The following ESYT2 variants were observed in gnomAD, a reference collection of about 807,000 sequenced individuals.
ESYT2 encodes the protein extended synaptotagmin-2.
Under a neutral mutation model 107.2 loss-of-function variants are expected in ESYT2, and 54 were observed. That is an observed-to-expected ratio of 0.50 (90% CI 0.40 to 0.63). The LOEUF (loss-of-function observed/expected upper bound fraction) is 0.63, where lower values mean the gene tolerates loss of function less well. Ranked by LOEUF, ESYT2 falls within the 30% of genes least tolerant of loss-of-function variation. The pLI is 0.00. For missense variants in ESYT2, 1,020 were observed against 1,094.5 expected (o/e 0.93, Z 0.96); for synonymous variants, 491 against 434.1 (o/e 1.13, Z -1.63).
At chr7:158,805,361 G>A (rs1440112937) in intron 1 of ESYT2, among the ~76,000 whole-genome samples, 1 of 152,176 alleles carries the variant, frequency 6.6e-6, no homozygotes, top group Non-Finnish European at 1.5e-5. Context: ...AAGATATTAG[G>A]ATGCTTTATC....
chr7:158,788,662 TG>T (rs1237452996), intron 4 of ESYT2, among the ~76,000 whole-genome samples: 1 of 152,206 alleles, frequency 6.6e-6, no homozygotes, highest in Non-Finnish European at 1.5e-5. Context: ...AATCAATGGC[TG>T]TGGTTGTTGT....
At chr7:158,781,986 T>TGA (rs75885302) in intron 6 of ESYT2, among the ~76,000 whole-genome samples, 137,116 of 146,626 alleles carry the variant, frequency 0.94, 64,119 homozygotes, top group East Asian at 0.95. Context: ...GTGTGAGATG[T>TGA]GTGTAATTAC....
chr7:158,769,407 G>A (rs1387460112), intron 7 of ESYT2, among the ~76,000 whole-genome samples: 3 of 152,146 alleles, frequency 2.0e-5, no homozygotes, highest in Non-Finnish European at 4.4e-5. Flanking sequence ...CAGCTCTGAC[G>A]GAGCTCCCTG....
intron 1 of ESYT2, among the ~76,000 whole-genome samples, chr7:158,816,311 C>A (rs1321886277): frequency 6.6e-6 from 1 of 152,200 alleles, no homozygotes; most frequent in Non-Finnish European, 1.5e-5. Context: ...GATCACACAA[C>A]CACACTCCAG....
chr7:158,743,516 G>A lies in ESYT2; in HGVS notation c.1794+13C>T. 6.2e-7 allele frequency: 1 copy of A among 1,606,246 alleles called. No individual in the cohort carries two copies. Among genetic ancestry groups the A allele is most frequent in the East Asian group, 2.3e-5 (1 of 43,782 alleles). On this transcript the variant is annotated intron_variant, in intron 17 of 22. Transcript: ENST00000275418. ...CCATCCCCTATGGTGTTCACTGCAG[G>A]ACGACACGATACCCGCAGGGCAATC... is the stretch of plus-strand genomic sequence containing the variant.
At position 158,734,205 on chromosome 7, in the gene ESYT2, G is replaced by A. The variant is rs369199273; in HGVS notation, c.*2C>T. The A allele has an allele frequency of 1.2e-4, 189 of 1,614,080 alleles. 1 individual carries two copies. Among genetic ancestry groups the A allele is most frequent in the South Asian group, 6.7e-4 (61 of 91,068 alleles). ...GAAGAGGACGCCTCCTGCCTGCTGCGGCTATGTCATCGCCTGAGGCCTCGT... is the reference window on the plus strand; with the variant it reads ...GAAGAGGACGCCTCCTGCCTGCTGCAGCTATGTCATCGCCTGAGGCCTCGT... On this transcript the variant is annotated 3_prime_UTR_variant, in exon 23 of 23. Coordinates refer to ENST00000275418, the MANE Select transcript of ESYT2 (RefSeq NM_001367773.1).
At chr7:158,783,255 A>G (rs565068476) in intron 6 of ESYT2, among the ~76,000 whole-genome samples, 35 of 152,252 alleles carry the variant, frequency 2.3e-4, no homozygotes, top group African/African-American at 7.7e-4. Context: ...TGTTTCATGA[A>G]GCGCACAGAT....
intron 6 of ESYT2, among the ~76,000 whole-genome samples, chr7:158,782,505 G>C (rs547752931): frequency 8.4e-6 from 1 of 119,462 alleles, no homozygotes; most frequent in East Asian, 2.2e-4. Context: ...AAACAAGTGA[G>C]AACAAGTGTG....
At chr7:158,799,422 CAGT>C (rs1268198114) in intron 1 of ESYT2, among the ~76,000 whole-genome samples, 1 of 152,232 alleles carries the variant, frequency 6.6e-6, no homozygotes, top group East Asian at 1.9e-4. Flanking sequence ...TCTAATTTGT[CAGT>C]AGTATTATCA....
chr7:158,761,845 C>G (rs1837977000), intron 10 of ESYT2, among the ~76,000 whole-genome samples: 1 of 152,130 alleles, frequency 6.6e-6, no homozygotes, highest in African/African-American at 2.4e-5. Context: ...AAAACAAAAA[C>G]AACTCATCTT....
At chr7:158,784,954 C>A (rs2129473082) in intron 6 of ESYT2, among the ~76,000 whole-genome samples, 1 of 152,298 alleles carries the variant, frequency 6.6e-6, no homozygotes, top group Admixed American at 6.5e-5. Flanking sequence ...CCTCCGGGAT[C>A]CCCTCTAGTC....
chr7:158,798,497 T>C (rs542316837), intron 2 of ESYT2, among the ~76,000 whole-genome samples: 3 of 151,534 alleles, frequency 2.0e-5, no homozygotes, highest in Non-Finnish European at 4.4e-5. Context: ...AAATACAAAA[T>C]TAGCCAGGCG....
intron 18 of ESYT2, among the ~76,000 whole-genome samples, chr7:158,741,148 G>A (rs1837185878): frequency 6.6e-6 from 1 of 152,210 alleles, no homozygotes; most frequent in Non-Finnish European, 1.5e-5. Flanking sequence ...CACACAACGG[G>A]GAGGCCAGGG....
At chr7:158,775,218 A>G (rs1024789834) in intron 6 of ESYT2, among the ~76,000 whole-genome samples, 1 of 152,348 alleles carries the variant, frequency 6.6e-6, no homozygotes, top group Admixed American at 6.5e-5. Context: ...TAACGATCAC[A>G]TAAGCCTTCA....
chr7:158,751,857 TAATTCCTTTC>T (rs1837597078), intron 14 of ESYT2, among the ~76,000 whole-genome samples: 1 of 152,224 alleles, frequency 6.6e-6, no homozygotes, highest in Non-Finnish European at 1.5e-5. Context: ...AGTGTTGATG[TAATTCCTTTC>T]AATGTTCTGG....
chr7:158,781,858 T>G (rs1838839340), intron 6 of ESYT2, among the ~76,000 whole-genome samples: 1 of 132,296 alleles, frequency 7.6e-6, no homozygotes, highest in Non-Finnish European at 1.6e-5. Flanking sequence ...CAAAGTGAGG[T>G]GTAAGTGTAA....
At chr7:158,777,840 C>G (rs1429099210) in intron 6 of ESYT2, among the ~76,000 whole-genome samples, 1 of 152,144 alleles carries the variant, frequency 6.6e-6, no homozygotes, top group Non-Finnish European at 1.5e-5. Context: ...GACCACAGAT[C>G]ACAGTCACAG....
intron 1 of ESYT2, among the ~76,000 whole-genome samples, chr7:158,800,039 CTA>C (rs928200105): frequency 3.5e-5 from 5 of 144,276 alleles, no homozygotes; most frequent in African/African-American, 1.3e-4. Flanking sequence ...ATTTTTAAGA[CTA>C]TGTGGCCTCT....
intron 6 of ESYT2, among the ~76,000 whole-genome samples, chr7:158,782,018 G>C (rs1838856936): frequency 6.6e-6 from 1 of 150,426 alleles, no homozygotes; most frequent in Admixed American, 6.6e-5. Flanking sequence ...TGTGAACAAA[G>C]TGAGGTGTAA....
Sources: gnomAD v4.1 joint callset for allele counts (sites outside exome capture counted in the v4.1 genomes callset) on GRCh38, gnomAD v4.1.1 for gene constraint, MANE v1.5 for transcripts, NCBI Gene and HGNC (gene_info 2026-07-23, HGNC 2026-07-21) for gene names.